Variants in PROSER1 observed in about 807,000 individuals in gnomAD.
The protein encoded by PROSER1 is proline and serine-rich protein 1.
Under a neutral mutation model 71.8 loss-of-function variants are expected in PROSER1, and 36 were observed. That is an observed-to-expected ratio of 0.50 (90% CI 0.38 to 0.66). The LOEUF is 0.66. PROSER1 is among the 30% of genes least tolerant of loss of function. PROSER1 has a pLI of 0.00. For missense variants in PROSER1, 1,107 were observed against 1,135.0 expected (o/e 0.98, Z 0.35); for synonymous variants, 490 against 452.4 (o/e 1.08, Z -1.06).
At chr13:39,035,825 T>C (rs1386110153) in intron 1 of PROSER1, among the ~76,000 whole-genome samples, 1 of 152,232 alleles carries the variant, frequency 6.6e-6, no homozygotes, top group Admixed American at 6.5e-5. Flanking sequence ...GATATGCCAA[T>C]ATTTTATTCC....
rs190979177 is a variant in PROSER1, at chr13:39,036,659, T to C, written c.45+539A>G. On this transcript the variant is annotated intron_variant, in intron 1 of 12. Transcript: ENST00000352251. ...ACTTGGAAAGCAGGAGAAAAAAGTT[T>C]TGAAGCTCAAGTTATTGACGGCCAA... 5.0e-4 allele frequency among the ~76,000 whole-genome samples: 76 copies of C among 152,268 alleles called. No homozygotes were observed. In the East Asian group the frequency reaches 0.014, roughly 28 times the overall value.
chr13:39,029,553 T>A (rs1052479290), intron 3 of PROSER1, among the ~76,000 whole-genome samples, 178 bp from the exon 4 acceptor site: 1 of 152,142 alleles, frequency 6.6e-6, no homozygotes, highest in Non-Finnish European at 1.5e-5. Context: ...TTATGCTCTA[T>A]CAACGTAACC....
Position 39,037,545 on chromosome 13 carries a change from A to G in PROSER1, c.-303T>C. On this transcript the variant is annotated 5_prime_UTR_variant, in exon 1 of 13. Coordinates refer to ENST00000352251, the MANE Select transcript of PROSER1 (RefSeq NM_025138.5). ...GAGCCAGGTCCTCTGAGTTTTGCAGAAAAACCCGGGCTCGGCGGCAGGTTT... is the reference window on the plus strand; with the variant it reads ...GAGCCAGGTCCTCTGAGTTTTGCAGGAAAACCCGGGCTCGGCGGCAGGTTT... 1 of 279,810 alleles carries G rather than the reference A, an allele frequency of 3.6e-6. No homozygotes were observed. The allele number at this position is 279,810 out of a possible 1,614,324, so 17.3% of individuals were successfully genotyped here.
intron 7 of PROSER1, 129 bp from the exon 8 acceptor site, chr13:39,023,259 T>C (rs1462843178): frequency 2.5e-5 from 16 of 636,882 alleles, no homozygotes; most frequent in Non-Finnish European, 3.6e-5. Flanking sequence ...CTGGACTACA[T>C]GGGACAACAA....
rs143828502 is a variant in PROSER1, at chr13:39,031,481, A to G, written c.180+82T>C. 600 of 1,024,216 alleles carry G rather than the reference A, an allele frequency of 5.9e-4. 3 individuals carry two copies. The African/African-American group carries it at 8.9e-3, about 15-fold the overall frequency. The allele number at this position is 1,024,216 out of a possible 1,614,324, so 63.4% of individuals were successfully genotyped here. On this transcript the variant is annotated intron_variant, in intron 3 of 12. Coordinates refer to ENST00000352251, the MANE Select transcript of PROSER1 (RefSeq NM_025138.5). ...TTCGCTTTTCTAATGCAAATAAATT[A>G]CAACTGAAATAAATTACACACAACT... is the stretch of plus-strand genomic sequence containing the variant.
At position 39,013,374 on chromosome 13, in the gene PROSER1, C is replaced by G; in HGVS notation, c.1878G>C (p.Gly626=). The part of the protein sequence containing the change: ...PSAFKGPSHS[G]NPSHGTLGLS... Reference sequence around the variant, plus strand: ...AACCTAAAGTGCCATGAGAGGGATTCCCAGAATGAGATGGACCTTTGAAGG... The same window carrying G: ...AACCTAAAGTGCCATGAGAGGGATTGCCAGAATGAGATGGACCTTTGAAGG... Residue 626 remains glycine, a synonymous_variant, in exon 11 of 13, where the codon GGG becomes GGC. Coordinates refer to ENST00000352251, the MANE Select transcript of PROSER1 (RefSeq NM_025138.5). 6.2e-7 allele frequency: 1 copy of G among 1,614,110 alleles called. No individual in the cohort carries two copies. Among genetic ancestry groups the G allele is most frequent in the Non-Finnish European group, 8.5e-7 (1 of 1,180,038 alleles).
chr13:39,035,821 C>T (rs78157651), intron 1 of PROSER1, among the ~76,000 whole-genome samples: 204 of 152,286 alleles, frequency 1.3e-3, no homozygotes, highest in African/African-American at 4.8e-3. Flanking sequence ...TTTAGATATG[C>T]CAATATTTTA....
intron 6 of PROSER1, among the ~76,000 whole-genome samples, chr13:39,025,824 T>G (rs888632547): frequency 1.3e-5 from 2 of 152,202 alleles, no homozygotes; most frequent in Admixed American, 6.5e-5. Context: ...AAATATAACA[T>G]TCTTTGAGAA....
intron 9 of PROSER1, among the ~76,000 whole-genome samples, chr13:39,020,313 T>C (rs2138112289): frequency 6.6e-6 from 1 of 152,188 alleles, no homozygotes; most frequent in South Asian, 2.1e-4. Flanking sequence ...ATGGTAAGAC[T>C]TACTATCATA....
At chr13:39,031,521 T>G (rs753085408) in intron 3 of PROSER1, 42 bp downstream of exon 3, 8 of 1,371,074 alleles carry the variant, frequency 5.8e-6, no homozygotes, top group Non-Finnish European at 8.2e-6. Context: ...GAATTAAAAA[T>G]ACTTAAATTC....
chr13:39,019,037 T>A (rs1410863898), intron 9 of PROSER1, among the ~76,000 whole-genome samples: 1 of 152,190 alleles, frequency 6.6e-6, no homozygotes, highest in Non-Finnish European at 1.5e-5. Context: ...CTTTCTGAAG[T>A]AATTTCTTAC....
chr13:39,011,473 C>T lies in PROSER1; in HGVS notation c.2727G>A (p.Ser909=), dbSNP rs138416326. 1.5e-5 allele frequency: 24 copies of T among 1,613,888 alleles called. No individual in the cohort carries two copies. In the East Asian group the frequency reaches 2.0e-4, roughly 13 times the overall value. Residue 909 remains serine, a synonymous_variant, in exon 13 of 13, where the codon TCG becomes TCA. Transcript: ENST00000352251. The part of the protein sequence containing the change: ...SALLQQVHSA[S]ALESYPAQPD... Reference sequence around the variant, plus strand: ...GCTGAGCTGGATAGCTTTCCAGAGCCGAAGCTGAATGGACCTGATGGAAAG... The same window carrying T: ...GCTGAGCTGGATAGCTTTCCAGAGCTGAAGCTGAATGGACCTGATGGAAAG...
Position 39,011,023 on chromosome 13 carries a change from C to T in PROSER1, c.*342G>A. On this transcript the variant is annotated 3_prime_UTR_variant, in exon 13 of 13. Transcript: ENST00000352251. ...CTTCTGCCAGTGGATGCTATACAAG[C>T]ATATTTAAGGCTGTATTCGGCTATA... 4.8e-6 allele frequency: 1 copy of T among 210,272 alleles called. No individual in the cohort carries two copies. Among genetic ancestry groups the T allele is most frequent in the Non-Finnish European group, 9.6e-6 (1 of 104,258 alleles). 13.0% of individuals were successfully genotyped at this position (210,272 alleles called of 1,614,324 possible). A position where few individuals can be genotyped will look rare whatever the true frequency, so the allele number is the denominator to read the frequency against.
Position 39,014,346 on chromosome 13 carries a change from G to A in PROSER1, c.906C>T (p.Thr302=), listed in dbSNP as rs749095301. The A allele has an allele frequency of 3.7e-6, 6 of 1,613,916 alleles. No individual in the cohort carries two copies. The African/African-American group carries it at 5.3e-5, about 14-fold the overall frequency. ...INHPSASAAA[T]VSGMNLLNTV... is the part of the protein sequence containing the mutation. ...TATTCAGCAGGTTCATTCCAGAAAC[G>A]GTGGCAGCTGCTGATGCTGATGGAT... Residue 302 remains threonine (T), a synonymous_variant, in exon 11 of 13, where the codon ACC becomes ACT. Coordinates refer to ENST00000352251, the MANE Select transcript of PROSER1 (RefSeq NM_025138.5).
Position 39,017,541 on chromosome 13 carries a change from T to C in PROSER1, c.734A>G (p.Asn245Ser), listed in dbSNP as rs1359512557. The C allele has an allele frequency of 1.8e-5, 26 of 1,479,796 alleles. No individual in the cohort carries two copies. The highest frequency in any genetic ancestry group is 2.4e-5 in the Non-Finnish European group (26 of 1,075,268). 91.7% of individuals were successfully genotyped at this position (1,479,796 alleles called of 1,614,324 possible). The change falls in exon 10 of 13, where the codon AAT becomes AGT. Residue 245 changes from asparagine (N) to serine (S), a missense_variant. By Grantham distance (46) the Asn-to-Ser change is conservative. Transcript: ENST00000352251. ...TTTTGACGGATTCGAAAGGTCTTCA[T>C]TCTCTATATAAAAATAAATAAAAGT... ...PYTPNPVGTE[N>S]EDLSNPSKPI... is the part of the protein sequence containing the mutation.
intron 11 of PROSER1, 125 bp from the exon 12 acceptor site, chr13:39,012,358 G>T: frequency 9.5e-7 from 1 of 1,048,704 alleles, no homozygotes; most frequent in Non-Finnish European, 1.4e-6. Flanking sequence ...TTATTCCTCT[G>T]TTGGAAGGAC....
chr13:39,031,598 C>A lies in PROSER1; in HGVS notation c.145G>T (p.Glu49Ter). The change falls in exon 3 of 13, where the codon GAG (glutamate) becomes TAG (stop). Residue 49 changes from glutamate (E) to a stop codon, truncating the protein, a stop_gained. Coordinates refer to ENST00000352251, the MANE Select transcript of PROSER1 (RefSeq NM_025138.5). LOFTEE classifies it high-confidence loss of function. ...VDLLRYFSWAEPQLKAMKALQ... is the reference protein window; with the variant it reads ...VDLLRYFSWA ...GCTTTCATTGCCTTCAACTGGGGCTCGGCCCAGGAAAAATATCTCAGCAAA... is the reference window on the plus strand; with the variant it reads ...GCTTTCATTGCCTTCAACTGGGGCTAGGCCCAGGAAAAATATCTCAGCAAA... 6.2e-7 allele frequency: 1 copy of A among 1,612,922 alleles called. No homozygotes were observed. Among genetic ancestry groups the A allele is most frequent in the Non-Finnish European group, 8.5e-7 (1 of 1,179,580 alleles).
rs746321138 is a variant in PROSER1, at chr13:39,034,198, T to TAAA, written c.46-5_46-3dup. The TAAA allele has an allele frequency of 1.7e-5, 21 of 1,268,122 alleles. No homozygotes were observed. The highest frequency in any genetic ancestry group is 4.8e-5 in the African/African-American group (3 of 63,128). The allele number at this position is 1,268,122 out of a possible 1,614,324, so 78.6% of individuals were successfully genotyped here. A position where few individuals can be genotyped will look rare whatever the true frequency, so the allele number is the denominator to read the frequency against. ...TAATTTGTATTCTGTCAAAACAGCCTAAAAAAAAAAAACACACACACACAG... is the reference window on the plus strand; with the variant it reads ...TAATTTGTATTCTGTCAAAACAGCCTAAAAAAAAAAAAAAACACACACACACAG... On this transcript the variant is annotated splice_region_variant and splice_polypyrimidine_tract_variant and intron_variant, in intron 1 of 12. Coordinates refer to ENST00000352251, the MANE Select transcript of PROSER1 (RefSeq NM_025138.5).
intron 10 of PROSER1, among the ~76,000 whole-genome samples, chr13:39,016,345 G>A (rs371255327): frequency 2.6e-5 from 4 of 152,258 alleles, no homozygotes; most frequent in African/African-American, 9.6e-5. Context: ...GGCAATCTGA[G>A]GCTTGCTATG....
Sources: allele counts gnomAD v4.1 joint callset (sites outside exome capture counted in the v4.1 genomes callset), GRCh38; gene constraint gnomAD v4.1.1; transcripts MANE v1.5; gene names NCBI Gene and HGNC (gene_info 2026-07-23, HGNC 2026-07-21).